Variants in TMOD1 observed in about 807,000 individuals in gnomAD.
TMOD1 encodes tropomodulin-1.
Under a neutral mutation model 40.6 loss-of-function variants are expected in TMOD1, and 17 were observed. That is an observed-to-expected ratio of 0.42 (90% CI 0.29 to 0.63). The LOEUF is 0.63. TMOD1 is among the 20% of genes least tolerant of loss of function. The pLI, the probability that TMOD1 is intolerant of heterozygous loss-of-function variation, is 0.22. For synonymous variants in TMOD1, 181 were observed against 175.0 expected, an observed-to-expected ratio of 1.03 and a Z score of -0.27; for missense variants, 391 against 447.6, an observed-to-expected ratio of 0.87 and a Z score of 1.14.
At position 97,542,824 on chromosome 9, in the gene TMOD1, T is replaced by G. The variant is rs1335022557; in HGVS notation, c.121-3361T>G. On this transcript the variant is annotated intron_variant, in intron 2 of 9. Transcript: ENST00000259365. ...GAGATCACGCCACTGCACTCCAGCC[T>G]GGGCAACAAAGTGAGACTCCATCTC... is the stretch of plus-strand genomic sequence containing the variant. Among the ~76,000 whole-genome samples the G allele has an allele frequency of 2.3e-5, 3 of 131,994 alleles. No individual in the cohort carries two copies. In the East Asian group the frequency reaches 6.5e-4, roughly 29 times the overall value. The allele number at this position is 131,994 out of a possible 152,430, so 86.6% of individuals were successfully genotyped here. A position where few individuals can be genotyped will look rare whatever the true frequency, so the allele number is the denominator to read the frequency against.
intron 7 of TMOD1, 137 bp from the exon 8 acceptor site, chr9:97,568,757 G>A: frequency 9.9e-7 from 1 of 1,007,816 alleles, no homozygotes; most frequent in East Asian, 2.4e-5. Context: ...GAGAGACACA[G>A]TCAGAGTTGT....
intron 6 of TMOD1, 93 bp downstream of exon 6, chr9:97,564,261 A>C (rs1830692590): frequency 6.8e-7 from 1 of 1,468,978 alleles, no homozygotes. Context: ...GGTTGTGCAG[A>C]GTAAACAGGG....
chr9:97,532,302 C>T (rs1830113875), intron 2 of TMOD1, among the ~76,000 whole-genome samples: 1 of 152,192 alleles, frequency 6.6e-6, no homozygotes, highest in Non-Finnish European at 1.5e-5. Flanking sequence ...CCTCTGCCCT[C>T]TGGACCCATG....
At chr9:97,525,138 C>T (rs1382620386) in intron 2 of TMOD1, among the ~76,000 whole-genome samples, 1 of 152,136 alleles carries the variant, frequency 6.6e-6, no homozygotes, top group Non-Finnish European at 1.5e-5. Flanking sequence ...ATCCTGGGTA[C>T]AATGGAAAAC....
At chr9:97,537,418 G>A (rs568815730) in intron 2 of TMOD1, among the ~76,000 whole-genome samples, 5 of 152,324 alleles carry the variant, frequency 3.3e-5, no homozygotes, top group East Asian at 1.9e-4. Context: ...GGCTTCTCAC[G>A]TAGCCCTATC....
intron 2 of TMOD1, among the ~76,000 whole-genome samples, chr9:97,531,036 CA>C (rs374714014): frequency 0.048 from 6,163 of 127,240 alleles, 1,069 homozygotes; most frequent in African/African-American, 0.16. Flanking sequence ...GATCCACACC[CA>C]CCCCCCCCAC....
At chr9:97,577,719 C>T (rs1825642210) in intron 8 of TMOD1, among the ~76,000 whole-genome samples, 1 of 152,084 alleles carries the variant, frequency 6.6e-6, no homozygotes, top group African/African-American at 2.4e-5. Context: ...TGCAGCAAGC[C>T]AAGATCGTGC....
At chr9:97,544,304 G>A (rs867119544) in intron 2 of TMOD1, among the ~76,000 whole-genome samples, 3 of 152,314 alleles carry the variant, frequency 2.0e-5, no homozygotes, top group East Asian at 1.9e-4. Flanking sequence ...TAGGAAGGCC[G>A]AGGTGGGTGG....
At chr9:97,587,606 T>C (rs1825909252) in intron 8 of TMOD1, among the ~76,000 whole-genome samples, 1 of 152,182 alleles carries the variant, frequency 6.6e-6, no homozygotes, top group Non-Finnish European at 1.5e-5. Flanking sequence ...AATTGACACG[T>C]ACTTCACACA....
Position 97,585,567 on chromosome 9 carries a change from A to G in TMOD1, c.871-5724A>G, listed in dbSNP as rs1186318860. ...ATGTTGGCCTGCCTTGCTAGATTGGAGAAGTTCTCCTGGATAATATCCTGC... is the reference window on the plus strand; with the variant it reads ...ATGTTGGCCTGCCTTGCTAGATTGGGGAAGTTCTCCTGGATAATATCCTGC... On this transcript the variant is annotated intron_variant, in intron 8 of 9. Coordinates refer to ENST00000259365, the MANE Select transcript of TMOD1 (RefSeq NM_003275.4). Among the ~76,000 whole-genome samples the G allele has an allele frequency of 6.0e-5, 9 of 149,384 alleles. No homozygotes were observed. The South Asian group carries it at 1.3e-3, about 21-fold the overall frequency.
chr9:97,504,109 A>C (rs187844650), intron 1 of TMOD1, among the ~76,000 whole-genome samples: 163 of 152,312 alleles, frequency 1.1e-3, no homozygotes, highest in African/African-American at 3.8e-3. Context: ...TCAAAAAATG[A>C]GATCTGCCAG....
At chr9:97,595,899 C>T (rs1333802220) in intron 9 of TMOD1, among the ~76,000 whole-genome samples, 1 of 151,750 alleles carries the variant, frequency 6.6e-6, no homozygotes, top group African/African-American at 2.4e-5. Flanking sequence ...ATGGTGAAAC[C>T]CTGTCTCTAC....
At chr9:97,550,968 A>G (rs1830441172) in intron 3 of TMOD1, among the ~76,000 whole-genome samples, 1 of 144,488 alleles carries the variant, frequency 6.9e-6, no homozygotes, top group Non-Finnish European at 1.5e-5. Flanking sequence ...TAGAGACATA[A>G]CCTTATGTTT....
intron 9 of TMOD1, among the ~76,000 whole-genome samples, chr9:97,596,508 A>G (rs1158822358): frequency 1.3e-5 from 2 of 152,208 alleles, no homozygotes; most frequent in African/African-American, 4.8e-5. Flanking sequence ...GACAGGTGCT[A>G]TTGTTATCCA....
Position 97,559,771 on chromosome 9 carries a change from TTAAAAAAAA to T in TMOD1, c.398-2960_398-2952del, listed in dbSNP as rs1176230906. ...CAGAGCGAGACTCCGCCTCAAAAAT[TTAAAAAAAA>T]AAAAAAAAAAAAAAATATATATATA... On this transcript the variant is annotated intron_variant, in intron 4 of 9. Transcript: ENST00000259365. Among the ~76,000 whole-genome samples the T allele has an allele frequency of 7.8e-3, 491 of 63,180 alleles. 7 individuals carry two copies. The highest frequency in any genetic ancestry group is 0.029 in the East Asian group (62 of 2,142). 41.4% of individuals were successfully genotyped at this position (63,180 alleles called of 152,430 possible). A position where few individuals can be genotyped will look rare whatever the true frequency, so the allele number is the denominator to read the frequency against.
intron 8 of TMOD1, among the ~76,000 whole-genome samples, chr9:97,574,354 A>G (rs1830880938): frequency 6.6e-6 from 1 of 152,124 alleles, no homozygotes; most frequent in Admixed American, 6.5e-5. Context: ...TGAGGGGCTT[A>G]GCACCTGGGC....
At chr9:97,570,073 G>A (rs1830795421) in intron 8 of TMOD1, among the ~76,000 whole-genome samples, 1 of 152,132 alleles carries the variant, frequency 6.6e-6, no homozygotes, top group Admixed American at 6.5e-5. Context: ...ACTATCACAA[G>A]TTTTTAACTT....
At chr9:97,546,125 A>ACTCTCT in intron 2 of TMOD1, 60 bp from the exon 3 acceptor site, 3 of 1,533,284 alleles carry the variant, frequency 2.0e-6, no homozygotes, top group Non-Finnish European at 2.6e-6. Flanking sequence ...GCAGCTGACC[A>ACTCTCT]CTCTCTCTTT....
chr9:97,538,367 G>T (rs1830218663), intron 2 of TMOD1, among the ~76,000 whole-genome samples: 1 of 152,040 alleles, frequency 6.6e-6, no homozygotes, highest in Non-Finnish European at 1.5e-5. Flanking sequence ...TGTCTTTGGG[G>T]TAAGGATGTT....
Sources: allele counts gnomAD v4.1 joint callset (sites outside exome capture counted in the v4.1 genomes callset), GRCh38; gene constraint gnomAD v4.1.1; transcripts MANE v1.5; gene names NCBI Gene and HGNC (gene_info 2026-07-23, HGNC 2026-07-21).